Variants in FAM53A observed in about 807,000 individuals in gnomAD.
The protein encoded by FAM53A is protein FAM53A.
Under a neutral mutation model 26.6 loss-of-function variants are expected in FAM53A, and 28 were observed. The observed-to-expected ratio is 1.05, with a 90% CI of 0.78 to 1.45. FAM53A has a LOEUF of 1.45. Among genes scored for constraint, FAM53A ranks in the 40% most tolerant of loss-of-function variants. The probability of loss-of-function intolerance (pLI) is 0.00; values close to 1 mark genes in which losing one functional copy is unlikely to be tolerated. For synonymous variants in FAM53A, 290 were observed against 253.1 expected (o/e 1.15, Z -1.38); for missense variants, 650 against 575.8 (o/e 1.13, Z -1.32).
At chr4:1,650,842 A>G (rs1398110301) in intron 4 of FAM53A, among the ~76,000 whole-genome samples, 1 of 151,192 alleles carries the variant, frequency 6.6e-6, no homozygotes, top group East Asian at 2.0e-4. Flanking sequence ...AAGCTGCTGG[A>G]TTCAGGCTTG....
chr4:1,600,068 C>T, the FAM53A span, among the ~76,000 whole-genome samples: 1 of 152,212 alleles, frequency 6.6e-6, no homozygotes, highest in African/African-American at 2.4e-5. Flanking sequence ...GGCCACTTCC[C>T]TAATGCAGGG....
chr4:1,629,115 T>C (rs569946282), intron 1 of FAM53A, among the ~76,000 whole-genome samples: 1 of 152,052 alleles, frequency 6.6e-6, no homozygotes, highest in South Asian at 2.1e-4. Flanking sequence ...TCCAGGCGGA[T>C]ACCTCGCCCA....
chr4:1,633,943 A>G (rs1039627380), intron 1 of FAM53A, among the ~76,000 whole-genome samples: 2 of 152,214 alleles, frequency 1.3e-5, no homozygotes, highest in African/African-American at 2.4e-5. Context: ...TTCAGCACCA[A>G]CGCAGAACCC....
the FAM53A span, among the ~76,000 whole-genome samples, chr4:1,593,703 C>T: frequency 2.0e-5 from 3 of 152,152 alleles, no homozygotes; most frequent in South Asian, 2.1e-4. Context: ...ATAAATTACA[C>T]GGCTCTAAGT....
the FAM53A span, among the ~76,000 whole-genome samples, chr4:1,597,724 G>A: frequency 4.7e-4 from 72 of 152,346 alleles, no homozygotes; most frequent in African/African-American, 1.7e-3. Flanking sequence ...AGCCGGGCGC[G>A]GTGGCTCACG....
intron 4 of FAM53A, 102 bp downstream of exon 4, chr4:1,654,876 C>T (rs544260427): frequency 2.1e-5 from 29 of 1,411,372 alleles, no homozygotes; most frequent in South Asian, 9.7e-5. Flanking sequence ...GAAGACCAGC[C>T]GGATGCTAAC....
intron 2 of FAM53A, among the ~76,000 whole-genome samples, chr4:1,662,479 CAAAAAAAAAAAA>C (rs59768929): frequency 1.2e-4 from 8 of 68,298 alleles, no homozygotes; most frequent in African/African-American, 3.6e-4. Flanking sequence ...GATTCCATCA[CAAAAAAAAAAAA>C]AAAAAAAAAA....
intron 1 of FAM53A, among the ~76,000 whole-genome samples, chr4:1,623,231 G>C (rs1421935142): frequency 6.6e-6 from 1 of 152,238 alleles, no homozygotes; most frequent in Admixed American, 6.5e-5. Flanking sequence ...GTGTCCAGCT[G>C]CAGGTGGACC....
intron 1 of FAM53A, among the ~76,000 whole-genome samples, chr4:1,626,892 C>T (rs1440032466): frequency 6.6e-6 from 1 of 152,146 alleles, no homozygotes; most frequent in Non-Finnish European, 1.5e-5. Context: ...GGTTCTGTGG[C>T]CTGTATGTGG....
At chr4:1,583,960 C>T in the FAM53A span, among the ~76,000 whole-genome samples, 100,020 of 152,124 alleles carry the variant, frequency 0.66, 33,467 homozygotes, top group East Asian at 0.81. Flanking sequence ...CACTCCTTGT[C>T]TATCATCAGC....
chr4:1,650,681 A>G (rs975153881), intron 4 of FAM53A, among the ~76,000 whole-genome samples: 11 of 151,432 alleles, frequency 7.3e-5, no homozygotes, highest in Non-Finnish European at 1.5e-5. Context: ...TTTTTAGTAG[A>G]GGCGGGGTTT....
chr4:1,643,997 G>A lies in FAM53A; in HGVS notation c.883-2390C>T, dbSNP rs578086303. Among the ~76,000 whole-genome samples the A allele has an allele frequency of 1.5e-4, 23 of 152,320 alleles. No individual in the cohort carries two copies. In the East Asian group the frequency reaches 2.1e-3, roughly 14 times the overall value. Reference sequence around the variant, plus strand: ...ACTTGTCCGTACAAGCCCCAGGCCCGGCATGAGGATGTGGCTGGTCTGCTG... The same window carrying A: ...ACTTGTCCGTACAAGCCCCAGGCCCAGCATGAGGATGTGGCTGGTCTGCTG... On this transcript the variant is annotated intron_variant, in intron 4 of 4. Transcript: ENST00000308132.
Position 1,641,326 on chromosome 4 carries a change from C to G in FAM53A, c.1164G>C (p.Trp388Cys). ...TCTCGATCTGCTCCAGGTCCAGCTC[C>G]CAGCGGGCCCGGGGGAAGACGCCCT... ...GEEGVFPRAR[W>C]ELDLEQIENN Residue 388 changes from tryptophan (W) to cysteine (C), a missense_variant, in exon 5 of 5, where the codon TGG becomes TGC. Trp to Cys is a radical substitution (Grantham distance 215). Coordinates refer to ENST00000308132, the MANE Select transcript of FAM53A (RefSeq NM_001174070.3). The G allele has an allele frequency of 6.2e-7, 1 of 1,612,272 alleles. No homozygotes were observed. Among genetic ancestry groups the G allele is most frequent in the African/African-American group, 1.3e-5 (1 of 74,990 alleles).
Position 1,655,141 on chromosome 4 carries a change from C to G in FAM53A, c.719G>C (p.Ser240Thr). 6.3e-7 allele frequency: 1 copy of G among 1,587,690 alleles called. No individual in the cohort carries two copies. ...AGAGTPLPWA[S>T]SSPTSTPALG... The stretch of plus-strand genomic sequence containing the variant: ...CGCAGGCGTGGACGTGGGGCTGCTG[C>G]TGGCCCAGGGCAGGGGAGTGCCCGC... Residue 240 changes from serine (S) to threonine (T), a missense_variant, in exon 4 of 5, where the codon AGC (serine) becomes ACC (threonine). Transcript: ENST00000308132.
intron 1 of FAM53A, among the ~76,000 whole-genome samples, chr4:1,624,166 T>C (rs1715178222): frequency 6.6e-6 from 1 of 152,218 alleles, no homozygotes; most frequent in African/African-American, 2.4e-5. Context: ...GGGCTGGCAT[T>C]GTGGGCATGG....
the FAM53A span, among the ~76,000 whole-genome samples, chr4:1,590,989 T>TATATATATACACACAC: frequency 2.4e-4 from 30 of 126,844 alleles, no homozygotes; most frequent in African/African-American, 9.7e-4. Context: ...TATATATATA[T>TATATATATACACACAC]ATATATATAT....
chr4:1,654,470 G>A (rs548622091), intron 4 of FAM53A, among the ~76,000 whole-genome samples: 45 of 152,400 alleles, frequency 3.0e-4, no homozygotes, highest in Non-Finnish European at 4.4e-4. Flanking sequence ...AGTTTCTGCA[G>A]GAGGTGCCTG....
the FAM53A span, among the ~76,000 whole-genome samples, chr4:1,610,357 G>A: frequency 0.22 from 33,830 of 152,174 alleles, 4,241 homozygotes; most frequent in Non-Finnish European, 0.28. Flanking sequence ...GACACCGCCC[G>A]TGCAGGGGAG....
chr4:1,667,347 C>T (rs915998779), intron 2 of FAM53A, among the ~76,000 whole-genome samples: 8 of 152,286 alleles, frequency 5.3e-5, no homozygotes, highest in African/African-American at 1.7e-4. Context: ...CTGGAAAGAA[C>T]ATGGCTCTGC....
Sources: gnomAD v4.1 joint callset for allele counts (sites outside exome capture counted in the v4.1 genomes callset) on GRCh38, gnomAD v4.1.1 for gene constraint, MANE v1.5 for transcripts, NCBI Gene and HGNC (gene_info 2026-07-23, HGNC 2026-07-21) for gene names.